Variants in VPS13D observed in about 807,000 individuals in gnomAD.
VPS13D encodes vacuolar protein sorting 13 homolog D.
Under a neutral mutation model 461.9 loss-of-function variants are expected in VPS13D, and 187 were observed. The observed-to-expected ratio is 0.40, with a 90% CI of 0.36 to 0.46. The LOEUF is 0.46. Among genes scored for constraint, VPS13D ranks in the 20% least tolerant of loss-of-function variants. The pLI is 0.60. For synonymous variants in VPS13D, 1,951 were observed against 1,986.3 expected, an observed-to-expected ratio of 0.98 and a Z score of 0.47; for missense variants, 4,711 against 5,364.9, an observed-to-expected ratio of 0.88 and a Z score of 3.81.
intron 50 of VPS13D, among the ~76,000 whole-genome samples, chr1:12,361,988 G>A (rs1643958143): frequency 6.6e-6 from 1 of 152,008 alleles, no homozygotes; most frequent in African/African-American, 2.4e-5. Flanking sequence ...TCAGCCTCCC[G>A]AGTAGCTGAG....
rs772321426 is a variant in VPS13D at position 12,283,176 on chromosome 1, C to T, written c.5074C>T (p.Arg1692Ter). ...TAAATATAAGAACCTGATGGTGTCTCGAGGAGCCCCTAAGCCATCTAGTTT... is the reference window on the plus strand; with the variant it reads ...TAAATATAAGAACCTGATGGTGTCTTGAGGAGCCCCTAAGCCATCTAGTTT... ...DSKYKNLMVS[R>*]GAPKPSSLAQ... is the part of the protein sequence containing the mutation. Residue 1692 changes from arginine (R) to a stop codon, truncating the protein, a stop_gained, in exon 21 of 70, where the codon CGA becomes TGA. Coordinates refer to ENST00000620676, the MANE Select transcript of VPS13D (RefSeq NM_015378.4). LOFTEE classifies it high-confidence loss of function. 2.5e-6 allele frequency: 4 copies of T among 1,613,990 alleles called. No homozygotes were observed. The highest frequency in any genetic ancestry group is 1.7e-5 in the Admixed American group (1 of 59,998).
intron 26 of VPS13D, among the ~76,000 whole-genome samples, chr1:12,307,078 A>G (rs1342608118): frequency 6.6e-6 from 1 of 152,166 alleles, no homozygotes; most frequent in African/African-American, 2.4e-5. Context: ...TATTCCATGT[A>G]TTTATCAATG....
chr1:12,312,798 GTATT>G (rs1179127962), intron 29 of VPS13D, among the ~76,000 whole-genome samples: 2 of 152,148 alleles, frequency 1.3e-5, no homozygotes, highest in Non-Finnish European at 2.9e-5. Flanking sequence ...TAAAAGGTTT[GTATT>G]TAGCTTCTTT....
intron 25 of VPS13D, among the ~76,000 whole-genome samples, chr1:12,302,382 C>T (rs1642447483): frequency 6.6e-6 from 1 of 152,114 alleles, no homozygotes; most frequent in Non-Finnish European, 1.5e-5. Context: ...AGGTACTGGC[C>T]AGAGTTTCCT....
At chr1:12,345,564 T>C (rs1049933095) in intron 43 of VPS13D, 55 bp downstream of exon 43, 2 of 1,575,984 alleles carry the variant, frequency 1.3e-6, no homozygotes, top group Non-Finnish European at 1.7e-6. Flanking sequence ...AGTCAGATGG[T>C]TAAGCCTGTA....
At chr1:12,271,954 A>G (rs235226) in intron 17 of VPS13D, among the ~76,000 whole-genome samples, 11,668 of 151,774 alleles carry the variant, frequency 0.077, 746 homozygotes, top group African/African-American at 0.16. Context: ...CACTGGGGGA[A>G]GCGGAGGTGG....
chr1:12,278,371 A>G (rs1213842139), intron 19 of VPS13D, among the ~76,000 whole-genome samples: 2 of 152,120 alleles, frequency 1.3e-5, no homozygotes, highest in Non-Finnish European at 2.9e-5. Context: ...CCCAGGTTCA[A>G]GTGATTCTCC....
intron 57 of VPS13D, among the ~76,000 whole-genome samples, chr1:12,380,985 C>T (rs940089507): frequency 6.6e-6 from 1 of 152,182 alleles, no homozygotes. Flanking sequence ...GACTTCACTT[C>T]TAGTTTGTTT....
At chr1:12,406,175 G>C (rs1644652186) in intron 63 of VPS13D, among the ~76,000 whole-genome samples, 1 of 152,072 alleles carries the variant, frequency 6.6e-6, no homozygotes, top group Admixed American at 6.5e-5. Flanking sequence ...CGGGGAATTG[G>C]GACTAAAGAG....
chr1:12,345,362 T>G lies in VPS13D; in HGVS notation c.8886-12T>G. ...TTGTGCCTAATATCTTTTTCTTTGT[T>G]CTGCCTGACAGACACACCCATGACC... On this transcript the variant is annotated splice_polypyrimidine_tract_variant and intron_variant, in intron 42 of 69. Coordinates refer to ENST00000620676, the MANE Select transcript of VPS13D (RefSeq NM_015378.4). 2 of 1,600,520 alleles carry G rather than the reference T, an allele frequency of 1.2e-6. No individual in the cohort carries two copies. The highest frequency in any genetic ancestry group is 1.7e-6 in the Non-Finnish European group (2 of 1,169,606).
At chr1:12,417,455 C>T (rs1006190207) in intron 65 of VPS13D, among the ~76,000 whole-genome samples, 3 of 152,218 alleles carry the variant, frequency 2.0e-5, no homozygotes, top group African/African-American at 7.2e-5. Context: ...ATTTGACATA[C>T]AGCCCTCCAA....
chr1:12,259,127 G>A lies in VPS13D; in HGVS notation c.1110+1024G>A, dbSNP rs1206400710. On this transcript the variant is annotated intron_variant, in intron 10 of 69. Transcript: ENST00000620676. ...CATGATCATGGTCACTGCAACCTCC[G>A]TCACCCTGGGCTCAAGCCATTCTCC... Among the ~76,000 whole-genome samples the A allele has an allele frequency of 9.3e-5, 14 of 150,208 alleles. No individual in the cohort carries two copies. The South Asian group carries it at 1.0e-3, about 11-fold the overall frequency.
At chr1:12,367,151 T>C (rs1362519172) in intron 52 of VPS13D, among the ~76,000 whole-genome samples, 3 of 152,246 alleles carry the variant, frequency 2.0e-5, no homozygotes, top group Admixed American at 2.0e-4. Flanking sequence ...GCTTTGCCCA[T>C]TTTGTCTTTA....
chr1:12,355,241 GCAGTTCAT>G (rs1199368942), intron 47 of VPS13D, among the ~76,000 whole-genome samples: 3 of 152,150 alleles, frequency 2.0e-5, no homozygotes, highest in Non-Finnish European at 2.9e-5. Flanking sequence ...AAGTTAGCTG[GCAGTTCAT>G]CCACAAAGAT....
At chr1:12,297,669 C>G (rs1388118434) in intron 24 of VPS13D, among the ~76,000 whole-genome samples, 1 of 152,100 alleles carries the variant, frequency 6.6e-6, no homozygotes, top group Non-Finnish European at 1.5e-5. Flanking sequence ...TCATTTGATC[C>G]TTATAACAAC....
chr1:12,441,244 G>A (rs1645127296), intron 65 of VPS13D, among the ~76,000 whole-genome samples: 1 of 152,138 alleles, frequency 6.6e-6, no homozygotes, highest in South Asian at 2.1e-4. Flanking sequence ...GTTTTTCTTA[G>A]TGAAGTAAAT....
At chr1:12,423,427 G>T (rs1322497185) in intron 65 of VPS13D, among the ~76,000 whole-genome samples, 1 of 152,114 alleles carries the variant, frequency 6.6e-6, no homozygotes, top group Admixed American at 6.5e-5. Flanking sequence ...CAAACAAAAA[G>T]CCCTACCTAG....
intron 2 of VPS13D, among the ~76,000 whole-genome samples, chr1:12,239,346 C>T (rs921472716): frequency 6.6e-6 from 1 of 152,162 alleles, no homozygotes; most frequent in Admixed American, 6.5e-5. Context: ...ACCATGTTGC[C>T]AAGGCTGGTC....
chr1:12,342,531 G>A (rs900133345), intron 41 of VPS13D, among the ~76,000 whole-genome samples: 4 of 152,224 alleles, frequency 2.6e-5, no homozygotes, highest in South Asian at 2.1e-4. Context: ...CCTCCCCCAA[G>A]TATGAGACTG....
Sources: allele counts gnomAD v4.1 joint callset (sites outside exome capture counted in the v4.1 genomes callset), GRCh38; gene constraint gnomAD v4.1.1; transcripts MANE v1.5; gene names NCBI Gene and HGNC (gene_info 2026-07-23, HGNC 2026-07-21).